CPLANE1: variants seen among roughly 807,000 people sequenced by gnomAD.
The protein encoded by CPLANE1 is ciliogenesis and planar polarity effector complex subunit 1.
In CPLANE1, 263 loss-of-function variants were observed where a neutral mutation model predicts 362.5. That is an observed-to-expected ratio of 0.73 (90% CI 0.66 to 0.80). The LOEUF (loss-of-function observed/expected upper bound fraction) is 0.80, where lower values mean the gene tolerates loss of function less well. Among genes scored for constraint, CPLANE1 ranks in the 30% least tolerant of loss-of-function variants. CPLANE1 has a pLI of 0.00. For missense variants in CPLANE1, 3,461 were observed against 3,793.4 expected, an observed-to-expected ratio of 0.91 and a Z score of 2.30; for synonymous variants, 1,212 against 1,302.6, an observed-to-expected ratio of 0.93 and a Z score of 1.50.
chr5:37,245,151 A>G (rs1235791514), intron 4 of CPLANE1, among the ~76,000 whole-genome samples: 7 of 151,346 alleles, frequency 4.6e-5, no homozygotes, highest in Admixed American at 2.6e-4. Context: ...CTCAAAAAAA[A>G]GAAAAAAAAA....
At chr5:37,241,617 A>T (rs1800511614) in intron 6 of CPLANE1, among the ~76,000 whole-genome samples, 1 of 152,030 alleles carries the variant, frequency 6.6e-6, no homozygotes, top group Non-Finnish European at 1.5e-5. Flanking sequence ...AGACTTGTTT[A>T]TCTTATTTTA....
At position 37,213,540 on chromosome 5, in the gene CPLANE1, G is replaced by T. The variant is rs1477979163; in HGVS notation, c.2920+19C>A. On this transcript the variant is annotated intron_variant, in intron 16 of 52. Transcript: ENST00000651892. Reference sequence around the variant, plus strand: ...TGCAATGCAAAAAAAGTTTAAAAAGGATTTGTTTACTACATTACCTGTTTT... The same window carrying T: ...TGCAATGCAAAAAAAGTTTAAAAAGTATTTGTTTACTACATTACCTGTTTT... 1 of 1,487,112 alleles carries T rather than the reference G, an allele frequency of 6.7e-7. No homozygotes were observed. Among genetic ancestry groups the T allele is most frequent in the Non-Finnish European group, 9.0e-7 (1 of 1,111,198 alleles). The allele number at this position is 1,487,112 out of a possible 1,614,324, so 92.1% of individuals were successfully genotyped here.
intron 38 of CPLANE1, among the ~76,000 whole-genome samples, chr5:37,159,128 G>A (rs1395363249): frequency 8.1e-5 from 8 of 98,308 alleles, no homozygotes; most frequent in South Asian, 3.4e-4. Context: ...TTTTTGAGAC[G>A]GAGTCTCGCT....
At chr5:37,236,288 C>G (rs934355343) in intron 8 of CPLANE1, among the ~76,000 whole-genome samples, 1 of 152,168 alleles carries the variant, frequency 6.6e-6, no homozygotes, top group African/African-American at 2.4e-5. Context: ...CTACAACCAA[C>G]TGATCTTCAG....
Position 37,227,349 on chromosome 5 carries a change from C to T in CPLANE1, c.1415G>A (p.Arg472Lys), listed in dbSNP as rs1187221964. ...GLNLRSLNSLRSSLLEHQGNE... is the reference protein window; with the variant it reads ...GLNLRSLNSLKSSLLEHQGNE... ...TCCTTGGTGTTCTAACAGGCTAGACCTTAGGGAATTCAGTGATCGCAAGTT... is the reference window on the plus strand; with the variant it reads ...TCCTTGGTGTTCTAACAGGCTAGACTTTAGGGAATTCAGTGATCGCAAGTT... Residue 472 changes from arginine (R) to lysine (K), a missense_variant, in exon 11 of 53, where the codon AGG becomes AAG. This residue lies in a region of CPLANE1 where 3,380 missense variants were observed against 3,666.1 expected (regional missense o/e 0.92). Coordinates refer to ENST00000651892, the MANE Select transcript of CPLANE1 (RefSeq NM_001384732.1). The T allele has an allele frequency of 7.1e-6, 11 of 1,550,376 alleles. No homozygotes were observed. The highest frequency in any genetic ancestry group is 8.7e-6 in the Non-Finnish European group (10 of 1,146,450).
chr5:37,164,318 C>G lies in CPLANE1; in HGVS notation c.7543G>C (p.Glu2515Gln), dbSNP rs779976528. ...EIIKKPKEQQ[E>Q]HCGSHPLDDF... ...TCCAAAGGATGGGAACCACAATGTTCTTGTTGTTCCTAAATGAATTCCCAC... is the reference window on the plus strand; with the variant it reads ...TCCAAAGGATGGGAACCACAATGTTGTTGTTGTTCCTAAATGAATTCCCAC... Residue 2515 changes from glutamate (E) to glutamine (Q), a missense_variant, in exon 37 of 53, where the codon GAA becomes CAA. Around this residue, in one of 2 missense-constraint regions of CPLANE1, gnomAD observed 3,380 missense variants for 3,666.1 expected, o/e 0.92. Transcript: ENST00000651892. The G allele has an allele frequency of 7.4e-6, 12 of 1,612,480 alleles. No individual in the cohort carries two copies. In the East Asian group the frequency reaches 2.2e-4, roughly 30 times the overall value.
Position 37,226,706 on chromosome 5 carries a change from T to C in CPLANE1, c.1889A>G (p.Asn630Ser), listed in dbSNP as rs1383468137. The change falls in exon 12 of 53, where the codon AAT (asparagine) becomes AGT (serine). Residue 630 changes from asparagine to serine, a missense_variant. Physicochemically the swap from Asn to Ser is conservative, Grantham distance 46. Coordinates refer to ENST00000651892, the MANE Select transcript of CPLANE1 (RefSeq NM_001384732.1). ...DLVLSKSSRH[N>S]AWILCIFQLF... ...TTGAAAGATACAAAGTATCCATGCATTATGTCTTGAGCTTTTGCTTAAAAC... is the reference window on the plus strand; with the variant it reads ...TTGAAAGATACAAAGTATCCATGCACTATGTCTTGAGCTTTTGCTTAAAAC... 1 of 1,549,560 alleles carries C rather than the reference T, an allele frequency of 6.5e-7. No homozygotes were observed. The highest frequency in any genetic ancestry group is 8.7e-7 in the Non-Finnish European group (1 of 1,146,166).
In CPLANE1 at chr5:37,227,825, A is replaced by G. The variant is rs1796780221; in HGVS notation, c.1122-8T>C. The G allele has an allele frequency of 6.5e-7, 1 of 1,541,894 alleles. No homozygotes were observed. Among genetic ancestry groups the G allele is most frequent in the Non-Finnish European group, 8.8e-7 (1 of 1,142,334 alleles). ...AACGTAAACTGCTGTGGTCTAGTAAACAAACATCAAAATACAAGAATCAGT... is the reference window on the plus strand; with the variant it reads ...AACGTAAACTGCTGTGGTCTAGTAAGCAAACATCAAAATACAAGAATCAGT... On this transcript the variant is annotated splice_region_variant and splice_polypyrimidine_tract_variant and intron_variant, in intron 9 of 52. Coordinates refer to ENST00000651892, the MANE Select transcript of CPLANE1 (RefSeq NM_001384732.1).
Position 37,224,565 on chromosome 5 carries a change from A to G in CPLANE1, c.2467T>C (p.Leu823=). ...GATTTAAGTTCTAAGGTTTGATTCA[A>G]GCAATCTCCAGTACTCTGTAGGTTA... ...QANLQSTGDC[L]NQTLELKSIN... The change falls in exon 13 of 53, where the codon TTG becomes CTG. Residue 823 remains leucine (L), a synonymous_variant. Coordinates refer to ENST00000651892, the MANE Select transcript of CPLANE1 (RefSeq NM_001384732.1). 6.4e-7 allele frequency: 1 copy of G among 1,551,332 alleles called. No homozygotes were observed. The highest frequency in any genetic ancestry group is 8.7e-7 in the Non-Finnish European group (1 of 1,146,734).
chr5:37,184,731 C>T, intron 25 of CPLANE1, 57 bp downstream of exon 25: 3 of 1,503,430 alleles, frequency 2.0e-6, no homozygotes, highest in Non-Finnish European at 2.7e-6. Context: ...CATCAGATGC[C>T]TGAAAGCTAC....
At position 37,106,348 on chromosome 5, in the gene CPLANE1, C is replaced by T. The variant is rs1192520977; in HGVS notation, c.*1254G>A. ...GAAGAAAAGGTTTGAATGTTTCCAA[C>T]ACAAATAAATGATAAATGTTTGAGG... On this transcript the variant is annotated 3_prime_UTR_variant, in exon 53 of 53. Transcript: ENST00000651892. 6.3e-6 allele frequency: 1 copy of T among 158,036 alleles called. No homozygotes were observed. The highest frequency in any genetic ancestry group is 1.4e-5 in the Non-Finnish European group (1 of 73,390). 9.8% of individuals were successfully genotyped at this position (158,036 alleles called of 1,614,324 possible). A position where few individuals can be genotyped will look rare whatever the true frequency, so the allele number is the denominator to read the frequency against.
intron 49 of CPLANE1, 115 bp downstream of exon 49, chr5:37,121,502 A>G: frequency 1.1e-6 from 1 of 915,954 alleles, no homozygotes; most frequent in Non-Finnish European, 1.7e-6. Context: ...CTTTATCATC[A>G]TAACTCTAAG....
chr5:37,081,382 G>A, the CPLANE1 span, among the ~76,000 whole-genome samples: 1 of 152,142 alleles, frequency 6.6e-6, no homozygotes, highest in Non-Finnish European at 1.5e-5. Context: ...GAGTGCAGTG[G>A]TGCGATCTCG....
intron 51 of CPLANE1, 37 bp from the exon 52 acceptor site, chr5:37,108,508 G>GATTCATTC: frequency 6.5e-7 from 1 of 1,537,012 alleles, no homozygotes; most frequent in Admixed American, 2.0e-5. Context: ...CATTGGGATT[G>GATTCATTC]ATTCATTCAT....
intron 47 of CPLANE1, chr5:37,124,894 A>G: frequency 9.7e-7 from 1 of 1,035,982 alleles, no homozygotes; most frequent in African/African-American, 1.7e-5. Flanking sequence ...TGGCTTTAAT[A>G]CACATAGTTG....
At chr5:37,124,860 G>A in intron 47 of CPLANE1, 1 of 1,001,948 alleles carries the variant, frequency 1.0e-6, no homozygotes, top group Non-Finnish European at 1.2e-6. Flanking sequence ...AAGGGAGCAG[G>A]CATAGAAGAG....
At chr5:37,145,036 T>G (rs1771105822) in intron 43 of CPLANE1, among the ~76,000 whole-genome samples, 1 of 152,108 alleles carries the variant, frequency 6.6e-6, no homozygotes, top group South Asian at 2.1e-4. Flanking sequence ...CCGGGCGTGG[T>G]GGCTCACGCC....
At chr5:37,126,147 G>A (rs1041316538) in intron 46 of CPLANE1, among the ~76,000 whole-genome samples, 1 of 152,202 alleles carries the variant, frequency 6.6e-6, no homozygotes, top group Admixed American at 6.5e-5. Context: ...AGGTGGGTGG[G>A]AGGATCACTT....
At chr5:37,136,889 G>C (rs1767882463) in intron 46 of CPLANE1, among the ~76,000 whole-genome samples, 1 of 152,202 alleles carries the variant, frequency 6.6e-6, no homozygotes, top group Non-Finnish European at 1.5e-5. Flanking sequence ...AGGAGGGCCT[G>C]GGCCTGCCCC....
Sources: allele counts gnomAD v4.1 joint callset (sites outside exome capture counted in the v4.1 genomes callset), GRCh38; gene constraint gnomAD v4.1.1; regional missense constraint gnomAD v4.1.1; transcripts MANE v1.5; gene names NCBI Gene and HGNC (gene_info 2026-07-23, HGNC 2026-07-21).